HNRNPLL: variants seen among roughly 807,000 people sequenced by gnomAD.
HNRNPLL encodes heterogeneous nuclear ribonucleoprotein L like.
HNRNPLL carries 25 observed loss-of-function variants against 67.1 expected under a neutral mutation model. The observed-to-expected ratio is 0.37, with a 90% confidence interval of 0.27 to 0.52. The LOEUF is 0.52. HNRNPLL is among the 20% of genes least tolerant of loss of function. HNRNPLL has a pLI of 0.90. For missense variants in HNRNPLL, 542 were observed against 673.9 expected (o/e 0.80, Z 2.17); for synonymous variants, 267 against 241.7 (o/e 1.10, Z -0.97).
intron 1 of HNRNPLL, among the ~76,000 whole-genome samples, chr2:38,595,402 A>T (rs1322252364): frequency 1.3e-5 from 2 of 151,910 alleles, no homozygotes; most frequent in Non-Finnish European, 2.9e-5. Context: ...GCTAAAAAAT[A>T]TAACTATTTT....
intron 7 of HNRNPLL, among the ~76,000 whole-genome samples, chr2:38,575,459 T>C (rs1666265071): frequency 6.6e-6 from 1 of 151,810 alleles, no homozygotes; most frequent in South Asian, 2.1e-4. Flanking sequence ...CAAACTCTTC[T>C]TGAGCTTACA....
chr2:38,561,973 A>C lies in HNRNPLL; in HGVS notation c.*2209T>G, dbSNP rs559040679. 1 of 152,200 alleles carries C rather than the reference A, an allele frequency of 6.6e-6. No homozygotes were observed. Among genetic ancestry groups the C allele is most frequent in the African/African-American group, 2.4e-5 (1 of 41,456 alleles). The allele number at this position is 152,200 out of a possible 1,614,324, so 9.4% of individuals were successfully genotyped here. On this transcript the variant is annotated 3_prime_UTR_variant, in exon 13 of 13. Coordinates refer to ENST00000449105, the MANE Select transcript of HNRNPLL (RefSeq NM_138394.4). The stretch of plus-strand genomic sequence containing the variant: ...GATTTTAAAAGGCAGCTCATATTCC[A>C]TAACTCAGTTTGGCAGATTTATTAT...
chr2:38,571,801 G>A (rs1424653107), intron 8 of HNRNPLL, among the ~76,000 whole-genome samples: 1 of 152,104 alleles, frequency 6.6e-6, no homozygotes, highest in East Asian at 1.9e-4. Flanking sequence ...CATTTAAAAT[G>A]TTTTAAAAAC....
intron 1 of HNRNPLL, among the ~76,000 whole-genome samples, chr2:38,593,977 AC>A (rs746301736): frequency 2.0e-5 from 3 of 152,098 alleles, no homozygotes; most frequent in Non-Finnish European, 4.4e-5. Flanking sequence ...GTTCGAGACC[AC>A]CCTGGCTAAC....
chr2:38,568,552 G>T (rs1665958051), intron 10 of HNRNPLL, 109 bp from the exon 11 acceptor site: 1 of 655,436 alleles, frequency 1.5e-6, no homozygotes, highest in Non-Finnish European at 2.6e-6. Flanking sequence ...TCAAATGAAT[G>T]GATTAAATCA....
intron 12 of HNRNPLL, among the ~76,000 whole-genome samples, chr2:38,564,613 CAAAA>C (rs70954732): frequency 2.7e-5 from 1 of 36,970 alleles, no homozygotes; most frequent in Non-Finnish European, 5.6e-5. Context: ...GACTCCGTCT[CAAAA>C]AAAAAAAAAA....
rs566485379 is a variant in HNRNPLL at position 38,563,194 on chromosome 2, G to A, written c.*988C>T. On this transcript the variant is annotated 3_prime_UTR_variant, in exon 13 of 13. Coordinates refer to ENST00000449105, the MANE Select transcript of HNRNPLL (RefSeq NM_138394.4). ...GAAAAAAAAAACAGATCCAGTGGGA[G>A]AAAGAATGTTTAATAAATGGTATTG... is the stretch of plus-strand genomic sequence containing the variant. 41 of 151,874 alleles carry A rather than the reference G, an allele frequency of 2.7e-4. No individual in the cohort carries two copies. Among genetic ancestry groups the A allele is most frequent in the African/African-American group, 9.9e-4 (41 of 41,478 alleles). 9.4% of individuals were successfully genotyped at this position (151,874 alleles called of 1,614,324 possible). A position where few individuals can be genotyped will look rare whatever the true frequency, so the allele number is the denominator to read the frequency against.
intron 6 of HNRNPLL, chr2:38,581,687 T>C (rs1226375945): frequency 1.9e-6 from 1 of 539,174 alleles, no homozygotes; most frequent in Non-Finnish European, 3.2e-6. Flanking sequence ...CGTGCCTGAA[T>C]GTGTGGGCTC....
intron 1 of HNRNPLL, among the ~76,000 whole-genome samples, chr2:38,599,096 A>T (rs906037384): frequency 1.3e-5 from 2 of 152,254 alleles, no homozygotes; most frequent in African/African-American, 4.8e-5. Context: ...TTGTGCAAGT[A>T]TAACAGAATA....
In HNRNPLL at chr2:38,568,446, G is replaced by A. The variant is rs1665954577; in HGVS notation, c.1417-3C>T. 3 of 1,559,144 alleles carry A rather than the reference G, an allele frequency of 1.9e-6. No homozygotes were observed. In the South Asian group the frequency reaches 3.6e-5, roughly 19 times the overall value. Reference sequence around the variant, plus strand: ...AGAACTTCATGGTCATTACACAACTGTCAAAGAAAGTAAAACTTCATTAAA... The same window carrying A: ...AGAACTTCATGGTCATTACACAACTATCAAAGAAAGTAAAACTTCATTAAA... On this transcript the variant is annotated splice_region_variant and splice_polypyrimidine_tract_variant and intron_variant, in intron 10 of 12. Coordinates refer to ENST00000449105, the MANE Select transcript of HNRNPLL (RefSeq NM_138394.4).
In HNRNPLL at chr2:38,602,619, G is replaced by T; in HGVS notation, c.8C>A (p.Ser3Tyr). ...CGTCTCCCTGGGGGAGGAAGAGGAG[G>T]AGGACATGGCGGCGGCCGGAGGGAC... is the stretch of plus-strand genomic sequence containing the variant. MS[S>Y]SSSSPRETYE... The change falls in exon 1 of 13, where the codon TCC becomes TAC. Residue 3 changes from serine (S) to tyrosine (Y), a missense_variant. By Grantham distance (144) the Ser-to-Tyr change is moderately radical. Transcript: ENST00000449105. 1 of 1,546,760 alleles carries T rather than the reference G, an allele frequency of 6.5e-7. No homozygotes were observed. Among genetic ancestry groups the T allele is most frequent in the South Asian group, 1.2e-5 (1 of 82,804 alleles).
At chr2:38,575,416 A>G (rs1364632825) in intron 7 of HNRNPLL, among the ~76,000 whole-genome samples, 1 of 151,850 alleles carries the variant, frequency 6.6e-6, no homozygotes, top group Non-Finnish European at 1.5e-5. Context: ...TTTCGTCTAC[A>G]AACCATATCC....
At chr2:38,596,827 G>A (rs1009909125) in intron 1 of HNRNPLL, among the ~76,000 whole-genome samples, 3 of 151,752 alleles carry the variant, frequency 2.0e-5, no homozygotes, top group Non-Finnish European at 2.9e-5. Flanking sequence ...TCCCAGCTGC[G>A]TACCCAGAAA....
intron 6 of HNRNPLL, among the ~76,000 whole-genome samples, chr2:38,579,863 T>C (rs898200125): frequency 2.5e-4 from 38 of 152,242 alleles, no homozygotes; most frequent in African/African-American, 7.0e-4. Flanking sequence ...AAACATAAAC[T>C]GTTATGGTCT....
chr2:38,593,894 G>T (rs537817443), intron 1 of HNRNPLL, among the ~76,000 whole-genome samples: 2 of 147,998 alleles, frequency 1.4e-5, no homozygotes, highest in South Asian at 2.1e-4. Flanking sequence ...CTAAATGCTG[G>T]CCGGGCACAG....
intron 4 of HNRNPLL, among the ~76,000 whole-genome samples, chr2:38,582,838 T>C (rs1002379203): frequency 3.3e-5 from 5 of 150,966 alleles, no homozygotes; most frequent in African/African-American, 1.2e-4. Context: ...GGGAATCACT[T>C]GACCACCCTG....
chr2:38,596,175 C>T (rs1288664150), intron 1 of HNRNPLL, among the ~76,000 whole-genome samples: 1 of 152,168 alleles, frequency 6.6e-6, no homozygotes, highest in East Asian at 1.9e-4. Flanking sequence ...TCGTTTTCCC[C>T]CTTTTCCCCC....
chr2:38,569,756 A>G (rs772585601), intron 9 of HNRNPLL, 48 bp downstream of exon 9: 1 of 1,049,946 alleles, frequency 9.5e-7, no homozygotes, highest in Admixed American at 2.9e-5. Flanking sequence ...AAAAGGACAA[A>G]GATTTTTAAA....
At chr2:38,585,486 A>G (rs1666687732) in intron 3 of HNRNPLL, among the ~76,000 whole-genome samples, 158 bp downstream of exon 3, 1 of 152,162 alleles carries the variant, frequency 6.6e-6, no homozygotes, top group Non-Finnish European at 1.5e-5. Context: ...AGTGCTCAGC[A>G]TTTTTTCTTT....
Sources: allele counts gnomAD v4.1 joint callset (sites outside exome capture counted in the v4.1 genomes callset), GRCh38; gene constraint gnomAD v4.1.1; transcripts MANE v1.5; gene names NCBI Gene and HGNC (gene_info 2026-07-23, HGNC 2026-07-21).